Variants in VPS37A observed in about 807,000 individuals in gnomAD.
VPS37A encodes the protein vacuolar protein sorting-associated protein 37A.
A neutral mutation model predicts 49.8 loss-of-function variants in VPS37A; 30 were observed. The observed-to-expected ratio is 0.60, with a 90% CI of 0.45 to 0.82. The LOEUF (loss-of-function observed/expected upper bound fraction) is 0.82, where lower values mean the gene tolerates loss of function less well. VPS37A is among the 40% of genes least tolerant of loss of function. The probability of loss-of-function intolerance (pLI) is 0.00; values close to 1 mark genes in which losing one functional copy is unlikely to be tolerated. For missense variants in VPS37A, 593 were observed against 464.4 expected, an observed-to-expected ratio of 1.28 and a Z score of -2.55; for synonymous variants, 195 against 160.6, an observed-to-expected ratio of 1.21 and a Z score of -1.62.
intron 1 of VPS37A, among the ~76,000 whole-genome samples, chr8:17,262,941 G>C (rs1245004232): frequency 2.0e-5 from 3 of 151,618 alleles, no homozygotes; most frequent in African/African-American, 7.3e-5. Context: ...TGCACCTGTA[G>C]TCCCAGCTAC....
At chr8:17,272,476 C>G (rs910290685) in intron 4 of VPS37A, among the ~76,000 whole-genome samples, 1 of 152,204 alleles carries the variant, frequency 6.6e-6, no homozygotes, top group South Asian at 2.1e-4. Flanking sequence ...AAATACAAAC[C>G]GACAAGTTTA....
At chr8:17,303,610 C>T (rs1229861575), downstream of VPS37A, among the ~76,000 whole-genome samples, 1 of 141,184 alleles carries the variant, frequency 7.1e-6, no homozygotes, top group Non-Finnish European at 1.5e-5. Flanking sequence ...TACATACAAT[C>T]TTTTTTTTTT....
At chr8:17,317,831 C>T in the VPS37A span, among the ~76,000 whole-genome samples, 2 of 152,140 alleles carry the variant, frequency 1.3e-5, no homozygotes, top group African/African-American at 2.4e-5. Context: ...TTACTTATCA[C>T]TCATCCATTT....
chr8:17,256,516 G>A (rs1812475163), intron 1 of VPS37A, among the ~76,000 whole-genome samples: 1 of 151,648 alleles, frequency 6.6e-6, no homozygotes, highest in African/African-American at 2.4e-5. Context: ...TGAGTTGTTT[G>A]AACTCCTCAT....
chr8:17,305,844 C>G (rs1218918725), downstream of VPS37A: 10 of 1,613,482 alleles, frequency 6.2e-6, no homozygotes, highest in Admixed American at 1.7e-4. Flanking sequence ...AATCAAAAAC[C>G]TCTCATTGAA....
At chr8:17,249,824 A>T (rs755733758) in intron 1 of VPS37A, among the ~76,000 whole-genome samples, 1 of 152,216 alleles carries the variant, frequency 6.6e-6, no homozygotes. Flanking sequence ...TTTACACTGC[A>T]TGGGAGCCTT....
intron 4 of VPS37A, among the ~76,000 whole-genome samples, chr8:17,271,433 G>C (rs540741990): frequency 6.6e-6 from 1 of 152,144 alleles, no homozygotes; most frequent in Non-Finnish European, 1.5e-5. Flanking sequence ...GTGAAACCTC[G>C]TCTCTACTAA....
intron 1 of VPS37A, 76 bp from the exon 2 acceptor site, chr8:17,265,831 T>C (rs1223388623): frequency 6.2e-7 from 1 of 1,608,158 alleles, no homozygotes; most frequent in South Asian, 1.1e-5. Context: ...TTTAGTAGAT[T>C]CTAGCACTTA....
intron 11 of VPS37A, among the ~76,000 whole-genome samples, chr8:17,292,423 T>G (rs971530834): frequency 2.0e-5 from 3 of 152,238 alleles, no homozygotes; most frequent in African/African-American, 7.2e-5. Flanking sequence ...CTGTATCATT[T>G]GCCAGTCTGT....
At chr8:17,304,381 G>C, downstream of VPS37A, 5 of 1,611,938 alleles carry the variant, frequency 3.1e-6, no homozygotes, top group Non-Finnish European at 4.2e-6. Context: ...TTACATACTT[G>C]TACATGAAGT....
Position 17,280,027 on chromosome 8 carries a change from G to A in VPS37A, c.714-1G>A. 1 of 1,609,682 alleles carries A rather than the reference G, an allele frequency of 6.2e-7. No individual in the cohort carries two copies. The highest frequency in any genetic ancestry group is 8.5e-7 in the Non-Finnish European group (1 of 1,178,018). On this transcript the variant is annotated splice_acceptor_variant, in intron 6 of 11. Transcript: ENST00000324849. LOFTEE classifies it high-confidence loss of function. The stretch of plus-strand genomic sequence containing the variant: ...TGACATTTTTTCTTTTGTGTTTCTA[G>A]TGTGTCACAACTCACAGATATGAAT...
In VPS37A at chr8:17,297,464, A is replaced by AATG. The variant is rs144852282; in HGVS notation, c.*2480_*2481insGAT. On this transcript the variant is annotated 3_prime_UTR_variant, in exon 12 of 12. Transcript: ENST00000324849. The stretch of plus-strand genomic sequence containing the variant: ...AACTAATGTGCTCTTAAAGAATAAA[A>AATG]ATTTATTCTATGGTTTCTGTCTCTG... 3 of 151,872 alleles carry AATG rather than the reference A, an allele frequency of 2.0e-5. No homozygotes were observed. The highest frequency in any genetic ancestry group is 4.4e-5 in the Non-Finnish European group (3 of 67,846). The allele number at this position is 151,872 out of a possible 1,614,324, so 9.4% of individuals were successfully genotyped here.
intron 9 of VPS37A, among the ~76,000 whole-genome samples, chr8:17,280,988 T>C (rs953003802): frequency 2.6e-5 from 4 of 151,918 alleles, no homozygotes; most frequent in African/African-American, 7.2e-5. Flanking sequence ...AACAACCTCA[T>C]AGTTAATATT....
At chr8:17,293,631 A>G (rs1286470874) in intron 11 of VPS37A, among the ~76,000 whole-genome samples, 1 of 152,032 alleles carries the variant, frequency 6.6e-6, no homozygotes, top group Non-Finnish European at 1.5e-5. Context: ...TGACCTTCGG[A>G]TGGAATTTTT....
At chr8:17,277,576 T>C (rs1279907010) in intron 6 of VPS37A, among the ~76,000 whole-genome samples, 2 of 151,988 alleles carry the variant, frequency 1.3e-5, no homozygotes, top group Non-Finnish European at 2.9e-5. Context: ...AAATCCCAGA[T>C]AATACATCCT....
intron 4 of VPS37A, among the ~76,000 whole-genome samples, chr8:17,270,208 G>T (rs896571106): frequency 1.3e-5 from 2 of 152,206 alleles, no homozygotes; most frequent in South Asian, 2.1e-4. Flanking sequence ...TTGCAATTCA[G>T]TATGAGATTT....
At chr8:17,275,164 A>T (rs1488134842) in intron 5 of VPS37A, among the ~76,000 whole-genome samples, 1 of 152,230 alleles carries the variant, frequency 6.6e-6, no homozygotes, top group Non-Finnish European at 1.5e-5. Context: ...TAGAAGGGAC[A>T]GAGTTTTGGT....
chr8:17,294,647 A>G (rs1424345638), intron 11 of VPS37A, among the ~76,000 whole-genome samples: 1 of 152,148 alleles, frequency 6.6e-6, no homozygotes, highest in Non-Finnish European at 1.5e-5. Flanking sequence ...TGGGCTGGGT[A>G]GCACAGTCCC....
the VPS37A span, among the ~76,000 whole-genome samples, chr8:17,325,353 A>G: frequency 0.43 from 65,175 of 151,972 alleles, 15,922 homozygotes; most frequent in East Asian, 0.79. Context: ...GAAGATTTCA[A>G]TCCATCAGGC....
Sources: gnomAD v4.1 joint callset for allele counts (sites outside exome capture counted in the v4.1 genomes callset) on GRCh38, gnomAD v4.1.1 for gene constraint, MANE v1.5 for transcripts, NCBI Gene and HGNC (gene_info 2026-07-23, HGNC 2026-07-21) for gene names.